The following MEIS2 variants were observed in gnomAD, a reference collection of about 807,000 sequenced individuals.
MEIS2 encodes Meis homeobox 2, also known as homeobox protein Meis2.
A neutral mutation model predicts 58.6 loss-of-function variants in MEIS2; 9 were observed. That is an observed-to-expected ratio of 0.15 (90% CI 0.09 to 0.27). The LOEUF (loss-of-function observed/expected upper bound fraction) is 0.27. MEIS2 is among the 10% of genes least tolerant of loss of function. The pLI is 1.00. For synonymous variants in MEIS2, 221 were observed against 228.4 expected (o/e 0.97, Z 0.29); for missense variants, 427 against 635.0 (o/e 0.67, Z 3.52).
At chr15:37,010,591 TG>T (rs1368802494) in intron 8 of MEIS2, among the ~76,000 whole-genome samples, 2 of 152,152 alleles carry the variant, frequency 1.3e-5, no homozygotes, top group African/African-American at 4.8e-5. Flanking sequence ...TTGCTCAGGC[TG>T]GCCCTCGAAC....
At chr15:36,893,377 G>A (rs1030699472) in intron 11 of MEIS2, among the ~76,000 whole-genome samples, 1 of 152,158 alleles carries the variant, frequency 6.6e-6, no homozygotes, top group Non-Finnish European at 1.5e-5. Flanking sequence ...TAATCTAAAG[G>A]CTTATATGCT....
chr15:37,027,476 C>A (rs545290101), intron 8 of MEIS2, among the ~76,000 whole-genome samples: 3 of 152,286 alleles, frequency 2.0e-5, no homozygotes, highest in African/African-American at 7.2e-5. Flanking sequence ...TCCCTATGAT[C>A]TGAATGAATA....
At chr15:37,081,164 T>G (rs777954096) in intron 7 of MEIS2, among the ~76,000 whole-genome samples, 2 of 152,242 alleles carry the variant, frequency 1.3e-5, no homozygotes, top group Non-Finnish European at 2.9e-5. Flanking sequence ...GTACAATTCA[T>G]CCCTATTTTT....
At chr15:36,942,208 TG>T (rs1347672781) in intron 9 of MEIS2, among the ~76,000 whole-genome samples, 1 of 152,158 alleles carries the variant, frequency 6.6e-6, no homozygotes, top group Non-Finnish European at 1.5e-5. Flanking sequence ...TTCTGATTTA[TG>T]CACAAAACCA....
At chr15:36,968,540 G>C (rs904051668) in intron 8 of MEIS2, among the ~76,000 whole-genome samples, 2 of 152,150 alleles carry the variant, frequency 1.3e-5, no homozygotes, top group African/African-American at 4.8e-5. Context: ...CATAAAGGGA[G>C]TTTTTCAAGT....
intron 9 of MEIS2, among the ~76,000 whole-genome samples, chr15:36,924,684 C>T (rs569103239): frequency 3.9e-4 from 60 of 152,182 alleles, no homozygotes; most frequent in African/African-American, 1.4e-3. Context: ...GGGAGCGGAC[C>T]TGCTGGGACT....
chr15:37,095,835 T>G (rs1894156117), intron 3 of MEIS2: 1 of 618,762 alleles, frequency 1.6e-6, no homozygotes, highest in Non-Finnish European at 2.7e-6. Flanking sequence ...GACTAAGCTG[T>G]AGCCAGGAAC....
chr15:36,966,529 C>T (rs2059364145), intron 8 of MEIS2, among the ~76,000 whole-genome samples: 2 of 152,124 alleles, frequency 1.3e-5, no homozygotes, highest in South Asian at 2.1e-4. Flanking sequence ...GATACTGAAT[C>T]ACCCCAGGAC....
intron 8 of MEIS2, among the ~76,000 whole-genome samples, chr15:37,004,287 G>C (rs2060838781): frequency 6.6e-6 from 1 of 152,158 alleles, no homozygotes; most frequent in South Asian, 2.1e-4. Flanking sequence ...TTCTTGCTCA[G>C]AGAGCACGTG....
rs142351561 is a variant in MEIS2 at position 36,921,056 on chromosome 15, A to G, written c.978-24370T>C. 4.6e-3 allele frequency among the ~76,000 whole-genome samples: 698 copies of G among 152,332 alleles called. 6 individuals carry two copies. Among genetic ancestry groups the G allele is most frequent in the African/African-American group, 0.016 (653 of 41,574 alleles). On this transcript the variant is annotated intron_variant, in intron 9 of 11. Transcript: ENST00000561208. ...TTTTTAACCTCGAAGAGCCAAATAA[A>G]TCTAGTAAATTCTCCATTTGTTAAT... is the stretch of plus-strand genomic sequence containing the variant.
chr15:37,090,340 A>C (rs933148167), intron 6 of MEIS2, among the ~76,000 whole-genome samples: 7 of 152,118 alleles, frequency 4.6e-5, no homozygotes, highest in African/African-American at 1.4e-4. Flanking sequence ...TGTTAATAAT[A>C]AATGAATAAA....
chr15:37,021,054 G>C (rs1245121035), intron 8 of MEIS2, among the ~76,000 whole-genome samples: 1 of 152,136 alleles, frequency 6.6e-6, no homozygotes, highest in Non-Finnish European at 1.5e-5. Context: ...TAACCCTGCT[G>C]CACCTGGCTC....
At chr15:36,907,904 G>A (rs1386937265) in intron 9 of MEIS2, among the ~76,000 whole-genome samples, 3 of 142,988 alleles carry the variant, frequency 2.1e-5, no homozygotes, top group Non-Finnish European at 4.5e-5. Context: ...AGTTTATACT[G>A]GCATCTAGTA....
At chr15:36,901,245 G>C (rs1441324077) in intron 9 of MEIS2, 1 of 152,158 alleles carries the variant, frequency 6.6e-6, no homozygotes, top group Admixed American at 6.5e-5. Flanking sequence ...ACTTGCTCCT[G>C]GCTGGTGTTT....
intron 8 of MEIS2, among the ~76,000 whole-genome samples, chr15:37,018,896 G>A (rs1387902312): frequency 1.3e-5 from 2 of 152,080 alleles, no homozygotes; most frequent in Non-Finnish European, 2.9e-5. Context: ...TGGCCCCATC[G>A]CTAATGGTTA....
intron 8 of MEIS2, among the ~76,000 whole-genome samples, chr15:37,007,001 T>A (rs888360721): frequency 6.6e-6 from 1 of 152,212 alleles, no homozygotes. Flanking sequence ...GCTGAGTAAG[T>A]CTAGACGAAT....
chr15:36,939,864 C>T (rs2058313824), intron 9 of MEIS2, among the ~76,000 whole-genome samples: 1 of 152,138 alleles, frequency 6.6e-6, no homozygotes, highest in Non-Finnish European at 1.5e-5. Flanking sequence ...GGTAAATTGG[C>T]AGGCATTACT....
chr15:37,085,458 T>C (rs944043453), intron 6 of MEIS2, among the ~76,000 whole-genome samples: 1 of 152,236 alleles, frequency 6.6e-6, no homozygotes, highest in African/African-American at 2.4e-5. Flanking sequence ...GAAATGTTCT[T>C]ATTTGGAACT....
intron 7 of MEIS2, among the ~76,000 whole-genome samples, chr15:37,049,750 G>A (rs1596012553): frequency 6.7e-6 from 1 of 149,408 alleles, no homozygotes; most frequent in Admixed American, 6.7e-5. Flanking sequence ...GGCTCCCAGT[G>A]TGCTGGGATT....
Sources: allele counts gnomAD v4.1 joint callset (sites outside exome capture counted in the v4.1 genomes callset), GRCh38; gene constraint gnomAD v4.1.1; transcripts MANE v1.5; gene names NCBI Gene and HGNC (gene_info 2026-07-23, HGNC 2026-07-21).